Variants in AGAP1 observed in about 807,000 individuals in gnomAD.
AGAP1 encodes the protein arf-GAP with GTPase, ANK repeat and PH domain-containing protein 1.
A neutral mutation model predicts 105.3 loss-of-function variants in AGAP1; 29 were observed. That is an observed-to-expected ratio of 0.28 (90% CI 0.21 to 0.38). AGAP1 has a LOEUF of 0.38. Among genes scored for constraint, AGAP1 ranks in the 10% least tolerant of loss-of-function variants. The pLI is 1.00. For missense variants in AGAP1, 998 were observed against 1,165.1 expected (o/e 0.86, Z 2.09); for synonymous variants, 509 against 485.9 (o/e 1.05, Z -0.63).
intron 16 of AGAP1, among the ~76,000 whole-genome samples, chr2:236,070,408 G>A (rs917212919): frequency 2.0e-5 from 3 of 152,178 alleles, no homozygotes; most frequent in Admixed American, 6.5e-5. Context: ...GTGAAATTAC[G>A]GGGCTACTCT....
intron 1 of AGAP1, among the ~76,000 whole-genome samples, chr2:235,647,365 G>A (rs1947427283): frequency 6.6e-6 from 1 of 152,070 alleles, no homozygotes; most frequent in Non-Finnish European, 1.5e-5. Context: ...GCTTTATAGA[G>A]GTTTTTAGAG....
chr2:236,032,921 C>T (rs560055459), intron 13 of AGAP1, among the ~76,000 whole-genome samples: 123 of 152,218 alleles, frequency 8.1e-4, no homozygotes, highest in Admixed American at 1.7e-3. Context: ...GTCCAGTATA[C>T]GGAGAAGACA....
At chr2:235,529,690 G>A (rs535574478) in intron 1 of AGAP1, among the ~76,000 whole-genome samples, 2 of 152,344 alleles carry the variant, frequency 1.3e-5, no homozygotes, top group East Asian at 3.9e-4. Context: ...CATGTGAGGT[G>A]CACACATTTG....
chr2:235,545,933 C>T (rs1943608165), intron 1 of AGAP1, among the ~76,000 whole-genome samples: 1 of 152,206 alleles, frequency 6.6e-6, no homozygotes, highest in South Asian at 2.1e-4. Flanking sequence ...AGGGAGGGTC[C>T]CCTCTGTCTG....
chr2:235,795,293 C>T (rs965278940), intron 6 of AGAP1, among the ~76,000 whole-genome samples: 37 of 152,168 alleles, frequency 2.4e-4, no homozygotes, highest in African/African-American at 6.5e-4. Context: ...TTAAGTGAGG[C>T]GCCCAGAGAT....
Position 235,788,092 on chromosome 2 carries a change from C to G in AGAP1, c.674-9667C>G, listed in dbSNP as rs370647125. 6.6e-6 allele frequency among the ~76,000 whole-genome samples: 1 copy of G among 152,180 alleles called. No homozygotes were observed. Among genetic ancestry groups the G allele is most frequent in the African/African-American group, 2.4e-5 (1 of 41,440 alleles). ...TGCATGCCTCATGGGGTCATCCTGA[C>G]TTAACCTGATGGGTAGGACTTACTT... On this transcript the variant is annotated intron_variant, in intron 6 of 17. Transcript: ENST00000304032. This position sits in a 1 kb window ranked among gnomAD's most constrained non-coding sequence, Gnocchi z 6.0.
In AGAP1 at chr2:235,557,984, T is replaced by A. The variant is rs1022619742; in HGVS notation, c.163+63135T>A. 3.3e-5 allele frequency among the ~76,000 whole-genome samples: 5 copies of A among 152,072 alleles called. No individual in the cohort carries two copies. Among genetic ancestry groups the A allele is most frequent in the African/African-American group, 1.2e-4 (5 of 41,394 alleles). On this transcript the variant is annotated intron_variant, in intron 1 of 17. Transcript: ENST00000304032. The surrounding 1 kb of genome is among the most constrained non-coding windows in gnomAD (Gnocchi z 4.7). Reference sequence around the variant, plus strand: ...GGCTGCCTGTTTGTAAAATAATAGGTTTAGATGAACAAAGTGGTCTTTAGA... The same window carrying A: ...GGCTGCCTGTTTGTAAAATAATAGGATTAGATGAACAAAGTGGTCTTTAGA...
chr2:235,723,217 A>G lies in AGAP1; in HGVS notation c.310+5573A>G, dbSNP rs1181650206. Reference sequence around the variant, plus strand: ...TGAGATGAAAATTAGTTATTTGCCAATTGAGCCCTATTAATGGCTGCTGAT... The same window carrying G: ...TGAGATGAAAATTAGTTATTTGCCAGTTGAGCCCTATTAATGGCTGCTGAT... On this transcript the variant is annotated intron_variant, in intron 3 of 17. Coordinates refer to ENST00000304032, the MANE Select transcript of AGAP1 (RefSeq NM_001037131.3). This position sits in a 1 kb window ranked among gnomAD's most constrained non-coding sequence, Gnocchi z 6.2. 6.6e-6 allele frequency among the ~76,000 whole-genome samples: 1 copy of G among 152,180 alleles called. No homozygotes were observed. The highest frequency in any genetic ancestry group is 2.4e-5 in the African/African-American group (1 of 41,444).
chr2:235,698,379 T>G (rs75899622), intron 1 of AGAP1, among the ~76,000 whole-genome samples: 5,513 of 152,236 alleles, frequency 0.036, 148 homozygotes, highest in Non-Finnish European at 0.053. Flanking sequence ...CCTGTTTTAA[T>G]ATACATCTCC....
At chr2:235,580,458 G>T (rs763594368) in intron 1 of AGAP1, among the ~76,000 whole-genome samples, 5 of 151,924 alleles carry the variant, frequency 3.3e-5, no homozygotes, top group Non-Finnish European at 7.4e-5. Flanking sequence ...TGGAGGCAGT[G>T]GGGGAGGGAG....
chr2:236,042,065 C>A lies in AGAP1; in HGVS notation c.1891+1224C>A, dbSNP rs2057565265. On this transcript the variant is annotated intron_variant, in intron 15 of 17. Coordinates refer to ENST00000304032, the MANE Select transcript of AGAP1 (RefSeq NM_001037131.3). This position sits in a 1 kb window ranked among gnomAD's most constrained non-coding sequence, Gnocchi z 5.6. ...AAGTGAAACTTTTTCCAGCTTTGTT[C>A]TTCATTTGTAAGCAGAGAGACATCA... Among the ~76,000 whole-genome samples, 1 of 152,132 alleles carries A rather than the reference C, an allele frequency of 6.6e-6. No individual in the cohort carries two copies. Among genetic ancestry groups the A allele is most frequent in the Admixed American group, 6.5e-5 (1 of 15,278 alleles).
chr2:236,103,029 C>T (rs909095673), intron 16 of AGAP1, among the ~76,000 whole-genome samples: 6 of 123,342 alleles, frequency 4.9e-5, no homozygotes, highest in African/African-American at 1.5e-4. Flanking sequence ...CCAGGCCTGG[C>T]CTCCTGGGTG....
At position 235,700,628 on chromosome 2, in the gene AGAP1, C is replaced by T. The variant is rs754120759; in HGVS notation, c.164-8551C>T. 2.7e-4 allele frequency among the ~76,000 whole-genome samples: 41 copies of T among 151,956 alleles called. No individual in the cohort carries two copies. Among genetic ancestry groups the T allele is most frequent in the Admixed American group, 7.2e-4 (11 of 15,242 alleles). ...CAGCCTGGGGAACATGGCGAAACCC[C>T]GTCTCTACTGAAAATACAAAAATTA... On this transcript the variant is annotated intron_variant, in intron 1 of 17. Coordinates refer to ENST00000304032, the MANE Select transcript of AGAP1 (RefSeq NM_001037131.3). This position sits in a 1 kb window ranked among gnomAD's most constrained non-coding sequence, Gnocchi z 6.1.
intron 13 of AGAP1, among the ~76,000 whole-genome samples, chr2:235,997,076 G>C (rs1489218645): frequency 6.6e-6 from 1 of 152,146 alleles, no homozygotes; most frequent in Non-Finnish European, 1.5e-5. Context: ...CATGCATATT[G>C]CCTTTAATGA....
chr2:235,743,610 G>A (rs1371554318), intron 4 of AGAP1, among the ~76,000 whole-genome samples: 1 of 152,116 alleles, frequency 6.6e-6, no homozygotes, highest in Non-Finnish European at 1.5e-5. Context: ...TTTGGGTTAA[G>A]TTTTACCATG....
intron 11 of AGAP1, among the ~76,000 whole-genome samples, chr2:235,925,873 G>A (rs2052423142): frequency 6.6e-6 from 1 of 152,170 alleles, no homozygotes; most frequent in Non-Finnish European, 1.5e-5. Context: ...AATCAAAAAA[G>A]TTATCCAGCT....
In AGAP1 at chr2:236,131,098, T is replaced by C. The variant is rs1200763525; in HGVS notation, c.*6976T>C. 1 of 152,228 alleles carries C rather than the reference T, an allele frequency of 6.6e-6. No homozygotes were observed. The highest frequency in any genetic ancestry group is 1.5e-5 in the Non-Finnish European group (1 of 68,080). 9.4% of individuals were successfully genotyped at this position (152,228 alleles called of 1,614,324 possible). ...TAGAAATAATTCCTTCTTGCAGACT[T>C]GAAAAGCATCAGTTTCCCTCCCACG... On this transcript the variant is annotated 3_prime_UTR_variant, in exon 18 of 18. Transcript: ENST00000304032. The surrounding 1 kb of genome is among the most constrained non-coding windows in gnomAD (Gnocchi z 5.9).
intron 8 of AGAP1, among the ~76,000 whole-genome samples, chr2:235,802,977 G>A (rs1202170078): frequency 7.4e-5 from 10 of 135,252 alleles, no homozygotes; most frequent in African/African-American, 8.7e-5. Flanking sequence ...GATGGTTGTG[G>A]TTGTGATGGT....
chr2:235,693,457 A>G (rs1949841024), intron 1 of AGAP1, among the ~76,000 whole-genome samples: 1 of 152,180 alleles, frequency 6.6e-6, no homozygotes, highest in African/African-American at 2.4e-5. Flanking sequence ...TAGAGTGATC[A>G]GCCACCTGCA....
Sources: allele counts gnomAD v4.1 joint callset (sites outside exome capture counted in the v4.1 genomes callset), GRCh38; gene constraint gnomAD v4.1.1; non-coding constraint Gnocchi (gnomAD v3.1); transcripts MANE v1.5; gene names NCBI Gene and HGNC (gene_info 2026-07-23, HGNC 2026-07-21).